Variants in MCF2 observed in about 807,000 individuals in gnomAD.
The protein encoded by MCF2 is MCF.2 cell line derived transforming sequence.
Under a neutral mutation model 82.5 loss-of-function variants are expected in MCF2, and 44 were observed. That is an observed-to-expected ratio of 0.53 (90% confidence interval 0.42 to 0.69). The LOEUF (loss-of-function observed/expected upper bound fraction) is 0.69. MCF2 is among the 30% of genes least tolerant of loss of function. MCF2 has a pLI of 0.00. For synonymous variants in MCF2, 217 were observed against 224.9 expected, an observed-to-expected ratio of 0.96 and a Z score of 0.32; for missense variants, 623 against 663.1, an observed-to-expected ratio of 0.94 and a Z score of 0.66.
chrX:139,604,805 C>A (rs1241347434), intron 14 of MCF2, 55 bp from the exon 19 acceptor site: 11 of 1,076,331 alleles, frequency 1.0e-5, no homozygotes, highest in African/African-American at 1.9e-5. Flanking sequence ...ATATAATAAA[C>A]TGGTAAAGAG....
intron 22 of MCF2, 78 bp from the exon 27 acceptor site, chrX:139,586,565 C>T: frequency 4.9e-6 from 3 of 614,922 alleles, no homozygotes; most frequent in Non-Finnish European, 7.9e-6. Flanking sequence ...GGTATTTCTT[C>T]CATTGATACC....
At chrX:139,658,340 GT>G (rs201743508) in intron 1 of MCF2, among the ~76,000 whole-genome samples, 31,919 of 106,225 alleles carry the variant, frequency 0.3, 4,688 homozygotes, top group African/African-American at 0.57. Context: ...AGCAATGTGG[GT>G]TTTTTTTTTC....
At chrX:139,666,729 C>T (rs183041299) in intron 1 of MCF2, among the ~76,000 whole-genome samples, 1 of 111,712 alleles carries the variant, frequency 9.0e-6, no homozygotes, top group Non-Finnish European at 1.9e-5. Flanking sequence ...CATTGAGACT[C>T]CTGCATCTGA....
intron 6 of MCF2, 123 bp from the exon 10 acceptor site, chrX:139,619,829 G>C (rs1412257308): frequency 2.1e-5 from 10 of 487,253 alleles, no homozygotes; most frequent in Non-Finnish European, 2.6e-5. Context: ...AAAAAATTTG[G>C]TTATTTTATT....
chrX:139,609,824 G>C (rs1354089122), intron 11 of MCF2, among the ~76,000 whole-genome samples: 1 of 111,537 alleles, frequency 9.0e-6, no homozygotes. Context: ...GCAACATAGT[G>C]AGACCCTGTC....
chrX:139,620,900 T>C (rs189828539), intron 6 of MCF2, among the ~76,000 whole-genome samples: 1 of 111,509 alleles, frequency 9.0e-6, no homozygotes, highest in Non-Finnish European at 1.9e-5. Flanking sequence ...AGAGCTCAAA[T>C]AGCCAAAGCA....
rs763845002 is a variant in MCF2 at position 139,692,501 on chromosome X, G to T, written c.-45+15605C>A. 3.6e-5 allele frequency among the ~76,000 whole-genome samples: 4 copies of T among 112,128 alleles called. No homozygotes were observed. In the Admixed American group the frequency reaches 3.7e-4, roughly 10 times the overall value. ...CCACGCCCCCGCTTAGCCACCGGTG[G>T]ATGAAAGGAGGCGGGGGCTGTGGAG... On this transcript the variant is annotated intron_variant, in intron 1 of 27. Coordinates refer to the MCF2 transcript ENST00000414978.
rs35352084 is a variant in MCF2, at chrX:139,605,156, CTTTT to C, written c.1558-176_1558-173del. Among the ~76,000 whole-genome samples, 4 of 90,655 alleles carry C rather than the reference CTTTT, an allele frequency of 4.4e-5. No homozygotes were observed. The South Asian group carries it at 1.6e-3, about 36-fold the overall frequency. 78.7% of individuals were successfully genotyped at this position (90,655 alleles called of 115,157 possible). On this transcript the variant is annotated intron_variant, in intron 13 of 24. Coordinates refer to ENST00000370576, the Ensembl canonical transcript of MCF2. ...TCCTACTTCCCAAAGTTATCCATGA[CTTTT>C]TTTTTTTTTTTTTTAGAAGGCAGGG...
In MCF2 at chrX:139,621,016, C is replaced by A. The variant is rs950565819; in HGVS notation, c.688-1310G>T. ...AAAACAGACACTTAGACCAATGGAA[C>A]AGAATAGAGAACCCAGAAATAAAGC... is the stretch of plus-strand genomic sequence containing the variant. On this transcript the variant is annotated intron_variant, in intron 6 of 24. Transcript: ENST00000370576. 2.2e-4 allele frequency among the ~76,000 whole-genome samples: 25 copies of A among 111,430 alleles called. 1 individual carries two copies. Among genetic ancestry groups the A allele is most frequent in the African/African-American group, 7.5e-4 (23 of 30,755 alleles).
In MCF2 at chrX:139,632,479, ATTGG is replaced by A. The variant is rs1295428052; in HGVS notation, c.52-29_52-26del. The A allele has an allele frequency of 6.8e-6, 8 of 1,181,108 alleles. No individual in the cohort carries two copies. The Admixed American group carries it at 7.0e-5, about 10-fold the overall frequency. ...CCTGTAGAAAGAAAGAACAAAAGAA[ATTGG>A]AAAAAAAATTGTCAACACACACTCA... On this transcript the variant is annotated intron_variant, in intron 1 of 24. Coordinates refer to ENST00000370576, the Ensembl canonical transcript of MCF2.
intron 1 of MCF2, among the ~76,000 whole-genome samples, chrX:139,665,798 T>A (rs1304914663): frequency 9.3e-6 from 1 of 107,056 alleles, no homozygotes. Flanking sequence ...CTCCTTTGTG[T>A]GTTTGCTTTA....
chrX:139,622,771 A>G (rs990403916), intron 6 of MCF2, among the ~76,000 whole-genome samples: 14 of 110,272 alleles, frequency 1.3e-4, no homozygotes, highest in Non-Finnish European at 1.5e-4. Flanking sequence ...TAGGAGATAT[A>G]CCTAATGCTA....
At chrX:139,633,349 C>T (rs941939724) in intron 1 of MCF2, among the ~76,000 whole-genome samples, 2 of 111,836 alleles carry the variant, frequency 1.8e-5, no homozygotes, top group African/African-American at 3.2e-5. Context: ...CAAATCACCA[C>T]GTACTAAATG....
In MCF2 at chrX:139,649,903, C is replaced by T. The variant is rs142637760; in HGVS notation, c.25+1817G>A. 1.0e-2 allele frequency among the ~76,000 whole-genome samples: 1,111 copies of T among 111,557 alleles called. 10 individuals carry two copies. Among genetic ancestry groups the T allele is most frequent in the African/African-American group, 0.034 (1,039 of 30,698 alleles). ...AAAATCTCCAAAACTTAAAAGTGAA[C>T]GTAACATACTGCTAAATTTACTGAC... On this transcript the variant is annotated intron_variant, in intron 2 of 27. Coordinates refer to the MCF2 transcript ENST00000414978.
chrX:139,673,565 C>T (rs764821571), intron 1 of MCF2, among the ~76,000 whole-genome samples: 2 of 112,003 alleles, frequency 1.8e-5, no homozygotes, highest in East Asian at 5.6e-4. Flanking sequence ...GCCTTCATTT[C>T]ATTATTTACC....
chrX:139,661,615 A>C (rs1450487338), intron 1 of MCF2, among the ~76,000 whole-genome samples: 1 of 111,545 alleles, frequency 9.0e-6, no homozygotes, highest in African/African-American at 3.3e-5. Context: ...ACTTGTCCTG[A>C]ATACTATTCT....
intron 10 of MCF2, 68 bp from the exon 14 acceptor site, chrX:139,613,331 A>C: frequency 3.7e-6 from 3 of 813,826 alleles, no homozygotes; most frequent in Non-Finnish European, 5.3e-6. Flanking sequence ...ACAAAACAAA[A>C]TGTGCTAATG....
At chrX:139,619,751 C>A in intron 6 of MCF2, 45 bp from the exon 10 acceptor site, 2 of 991,357 alleles carry the variant, frequency 2.0e-6, no homozygotes, top group Non-Finnish European at 1.3e-6. Context: ...AAAATTTATC[C>A]CCTTATGATC....
At chrX:139,684,573 A>G (rs961179995) in intron 1 of MCF2, among the ~76,000 whole-genome samples, 3 of 112,604 alleles carry the variant, frequency 2.7e-5, no homozygotes, top group African/African-American at 9.7e-5. Context: ...GGTGGAAACC[A>G]CACAAATGCC....
Sources: allele counts gnomAD v4.1 joint callset (sites outside exome capture counted in the v4.1 genomes callset), GRCh38; gene constraint gnomAD v4.1.1; transcripts MANE v1.5; gene names NCBI Gene and HGNC (gene_info 2026-07-23, HGNC 2026-07-21).